PIP5K1B: variants seen among roughly 807,000 people sequenced by gnomAD.
PIP5K1B encodes the protein phosphatidylinositol-4-phosphate 5-kinase type 1 beta, also known as phosphatidylinositol 4-phosphate 5-kinase type-1 beta.
PIP5K1B carries 42 observed loss-of-function variants against 67.0 expected under a neutral mutation model. The ratio of observed to expected loss-of-function variants is 0.63; its 90% CI spans 0.49 to 0.81. The LOEUF is 0.81. Among genes scored for constraint, PIP5K1B ranks in the 30% least tolerant of loss-of-function variants. The pLI is 0.00. For missense variants in PIP5K1B, 459 were observed against 646.3 expected, an observed-to-expected ratio of 0.71 and a Z score of 3.14; for synonymous variants, 214 against 231.4, an observed-to-expected ratio of 0.92 and a Z score of 0.68.
At chr9:68,868,714 A>G (rs1823478026) in intron 5 of PIP5K1B, among the ~76,000 whole-genome samples, 1 of 152,228 alleles carries the variant, frequency 6.6e-6, no homozygotes, top group African/African-American at 2.4e-5. Flanking sequence ...CCTTACCTGG[A>G]GGTGGCAAAA....
intron 14 of PIP5K1B, among the ~76,000 whole-genome samples, chr9:68,968,699 A>T (rs1048688492): frequency 1.1e-4 from 16 of 145,098 alleles, no homozygotes; most frequent in Non-Finnish European, 1.8e-4. Context: ...ATCCTTGTTT[A>T]TATATATATA....
intron 2 of PIP5K1B, chr9:68,789,606 C>G (rs1831844246): frequency 5.0e-6 from 2 of 399,334 alleles, no homozygotes; most frequent in African/African-American, 4.2e-5. Flanking sequence ...GTGTACCACA[C>G]TTCTCCAGTG....
At chr9:68,752,809 C>G (rs1162315372) in intron 2 of PIP5K1B, among the ~76,000 whole-genome samples, 1 of 152,162 alleles carries the variant, frequency 6.6e-6, no homozygotes, top group Admixed American at 6.5e-5. Context: ...TTTTAACTCT[C>G]TTTCTGCCAT....
At chr9:68,711,507 G>A (rs549643090) in intron 1 of PIP5K1B, among the ~76,000 whole-genome samples, 1 of 152,266 alleles carries the variant, frequency 6.6e-6, no homozygotes, top group South Asian at 2.1e-4. Context: ...CAGGTGGTGA[G>A]GATTTAATGA....
At chr9:68,750,637 C>T (rs1383577949) in intron 2 of PIP5K1B, among the ~76,000 whole-genome samples, 2 of 152,204 alleles carry the variant, frequency 1.3e-5, no homozygotes, top group Admixed American at 1.3e-4. Flanking sequence ...ACTGGAGACA[C>T]AGCAGTGAAT....
chr9:68,754,326 T>C (rs1057366520), intron 2 of PIP5K1B, among the ~76,000 whole-genome samples: 3 of 151,380 alleles, frequency 2.0e-5, no homozygotes, highest in Admixed American at 1.3e-4. Context: ...CCCGCCACCA[T>C]GCCTGACTGA....
intron 14 of PIP5K1B, among the ~76,000 whole-genome samples, chr9:68,970,162 A>G (rs913414508): frequency 2.0e-5 from 3 of 152,184 alleles, no homozygotes; most frequent in African/African-American, 7.2e-5. Flanking sequence ...TTCCATTGAC[A>G]TGTTCTTAAA....
chr9:68,799,431 C>A (rs1338023409), intron 2 of PIP5K1B, among the ~76,000 whole-genome samples: 1 of 152,040 alleles, frequency 6.6e-6, no homozygotes, highest in African/African-American at 2.4e-5. Context: ...GCCCAAATAG[C>A]CAAAGCAATC....
rs145035139 is a variant in PIP5K1B, at chr9:68,928,969, C to T, written c.1201+5583C>T. On this transcript the variant is annotated intron_variant, in intron 12 of 15. Transcript: ENST00000265382. The stretch of plus-strand genomic sequence containing the variant: ...CACGAGGTCAGGAGTTCGAGACCAG[C>T]CTGACCAACGTGGTGAAACCCCTTC... 3.4e-3 allele frequency among the ~76,000 whole-genome samples: 510 copies of T among 152,176 alleles called. 4 individuals carry two copies. Among genetic ancestry groups the T allele is most frequent in the African/African-American group, 0.012 (496 of 41,506 alleles).
At chr9:68,769,753 G>A (rs1830593524) in intron 2 of PIP5K1B, among the ~76,000 whole-genome samples, 1 of 152,136 alleles carries the variant, frequency 6.6e-6, no homozygotes, top group Non-Finnish European at 1.5e-5. Flanking sequence ...AAGAATGAAT[G>A]TTTAAGGAAA....
chr9:68,916,883 A>AT (rs1826125056), intron 8 of PIP5K1B, among the ~76,000 whole-genome samples: 1 of 151,994 alleles, frequency 6.6e-6, no homozygotes, highest in South Asian at 2.1e-4. Context: ...AAAATAAAAA[A>AT]AAAAAAGAGG....
At chr9:68,844,697 T>G (rs1263519684) in intron 4 of PIP5K1B, among the ~76,000 whole-genome samples, 1 of 152,068 alleles carries the variant, frequency 6.6e-6, no homozygotes, top group Non-Finnish European at 1.5e-5. Context: ...CCAAAACAAT[T>G]TAATAACGCT....
chr9:68,938,423 C>T (rs957338477), intron 13 of PIP5K1B, among the ~76,000 whole-genome samples: 2 of 152,002 alleles, frequency 1.3e-5, no homozygotes, highest in African/African-American at 4.8e-5. Context: ...ATTGCAACTC[C>T]TGCCATTTTT....
chr9:68,828,275 G>A lies in PIP5K1B; in HGVS notation c.69+5592G>A, dbSNP rs1176212232. 3.3e-5 allele frequency among the ~76,000 whole-genome samples: 5 copies of A among 152,210 alleles called. No homozygotes were observed. In the East Asian group the frequency reaches 9.6e-4, roughly 29 times the overall value. On this transcript the variant is annotated intron_variant, in intron 4 of 15. Coordinates refer to ENST00000265382, the MANE Select transcript of PIP5K1B (RefSeq NM_003558.4). ...TCCACTGGGAGATTCTGGTTTTGAT[G>A]ACCGCAGGCTGCCGTGGGGTCAGAG...
chr9:68,824,143 T>C, intron 4 of PIP5K1B: 1 of 519,012 alleles, frequency 1.9e-6, no homozygotes, highest in Non-Finnish European at 3.8e-6. Flanking sequence ...AGATTCCGTG[T>C]ACATTCATTC....
intron 2 of PIP5K1B, among the ~76,000 whole-genome samples, chr9:68,760,176 T>A (rs1438732059): frequency 6.6e-6 from 1 of 152,132 alleles, no homozygotes; most frequent in Non-Finnish European, 1.5e-5. Flanking sequence ...TTCATGTAAC[T>A]CAGCCATGAG....
chr9:68,745,944 T>C (rs1829277367), intron 2 of PIP5K1B, among the ~76,000 whole-genome samples: 1 of 152,230 alleles, frequency 6.6e-6, no homozygotes, highest in Admixed American at 6.5e-5. Flanking sequence ...GGAAAATTCA[T>C]GTCTGTTTTA....
At chr9:69,007,671 C>T (rs1341460284) in intron 15 of PIP5K1B, among the ~76,000 whole-genome samples, 1 of 152,148 alleles carries the variant, frequency 6.6e-6, no homozygotes, top group Non-Finnish European at 1.5e-5. Context: ...TCCTGGCTAA[C>T]ACAGTGAAAC....
At chr9:68,796,806 C>G (rs1384078096) in intron 2 of PIP5K1B, among the ~76,000 whole-genome samples, 2 of 152,164 alleles carry the variant, frequency 1.3e-5, no homozygotes, top group African/African-American at 4.8e-5. Flanking sequence ...AGGTCACCAC[C>G]GTTTCCGTCT....
Sources: gnomAD v4.1 joint callset for allele counts (sites outside exome capture counted in the v4.1 genomes callset) on GRCh38, gnomAD v4.1.1 for gene constraint, MANE v1.5 for transcripts, NCBI Gene and HGNC (gene_info 2026-07-23, HGNC 2026-07-21) for gene names.